Variants in KIAA1210 observed in about 807,000 individuals in gnomAD.
KIAA1210 encodes the protein KIAA1210.
KIAA1210 carries 48 observed loss-of-function variants against 78.9 expected under a neutral mutation model. That is an observed-to-expected ratio of 0.61 (90% CI 0.48 to 0.77). The LOEUF is 0.77. Among genes scored for constraint, KIAA1210 ranks in the 30% least tolerant of loss-of-function variants. The probability of loss-of-function intolerance (pLI) is 0.00; values close to 1 mark genes in which losing one functional copy is unlikely to be tolerated. For synonymous variants in KIAA1210, 406 were observed against 404.5 expected, an observed-to-expected ratio of 1.00 and a Z score of -0.04; for missense variants, 1,108 against 1,100.0, an observed-to-expected ratio of 1.01 and a Z score of -0.10.
chrX:119,112,222 G>A (rs1928102072), intron 3 of KIAA1210, among the ~76,000 whole-genome samples: 1 of 111,655 alleles, frequency 9.0e-6, no homozygotes, highest in African/African-American at 3.3e-5. Context: ...CCAGTCTCAG[G>A]TAGTTCTTTA....
At chrX:119,117,932 C>T (rs144980790) in intron 2 of KIAA1210, among the ~76,000 whole-genome samples, 50 of 111,094 alleles carry the variant, frequency 4.5e-4, no homozygotes, top group Middle Eastern at 9.3e-3. Context: ...TCTTAATAAG[C>T]ACATATGTCT....
chrX:119,137,813 T>C (rs1193147544), intron 2 of KIAA1210, among the ~76,000 whole-genome samples: 6 of 112,076 alleles, frequency 5.4e-5, no homozygotes, highest in Admixed American at 9.4e-5. Context: ...TGGCTACATG[T>C]GGAAGGAGTC....
At chrX:119,100,207 G>A (rs1927691374) in intron 6 of KIAA1210, among the ~76,000 whole-genome samples, 1 of 109,250 alleles carries the variant, frequency 9.2e-6, no homozygotes, top group Non-Finnish European at 1.9e-5. Flanking sequence ...GTGCACACCT[G>A]TAGTCCCAGC....
intron 7 of KIAA1210, 46 bp from the exon 8 acceptor site, chrX:119,093,821 C>T: frequency 1.9e-6 from 2 of 1,074,929 alleles, no homozygotes; most frequent in South Asian, 4.1e-5. Context: ...AAGTGCTTTC[C>T]AACCACGCCT....
intron 6 of KIAA1210, among the ~76,000 whole-genome samples, chrX:119,103,419 A>T (rs1927792270): frequency 8.9e-6 from 1 of 112,024 alleles, no homozygotes; most frequent in East Asian, 2.8e-4. Flanking sequence ...CATGACTATA[A>T]TTTTTTTAAA....
intron 1 of KIAA1210, among the ~76,000 whole-genome samples, chrX:119,148,486 C>A (rs183184466): frequency 8.9e-6 from 1 of 112,095 alleles, no homozygotes; most frequent in East Asian, 2.8e-4. Context: ...CCTTCATCTC[C>A]TTCTATACTT....
intron 3 of KIAA1210, among the ~76,000 whole-genome samples, chrX:119,113,394 G>A (rs1928145334): frequency 8.9e-6 from 1 of 111,956 alleles, no homozygotes; most frequent in African/African-American, 3.2e-5. Context: ...CTTGATGCAT[G>A]ATTTTAAATA....
Position 119,079,970 on chromosome X carries a change from T to A in KIAA1210, c.*1359A>T, listed in dbSNP as rs960119516. ...GAAAGGACAAGAAGCTACATGGAGT[T>A]CTCCACCTTAATGCTGGAACCAGAG... On this transcript the variant is annotated 3_prime_UTR_variant, in exon 12 of 12. Transcript: ENST00000691062. The A allele has an allele frequency of 8.9e-6, 1 of 111,832 alleles. No individual in the cohort carries two copies. The highest frequency in any genetic ancestry group is 1.9e-5 in the Non-Finnish European group (1 of 53,171). The allele number at this position is 111,832 out of a possible 1,213,427, so 9.2% of individuals were successfully genotyped here.
Position 119,108,473 on chromosome X carries a change from T to C in KIAA1210, c.358-2A>G, listed in dbSNP as rs187888673. 1.3e-5 allele frequency: 15 copies of C among 1,197,054 alleles called. No individual in the cohort carries two copies. In the African/African-American group the frequency reaches 2.1e-4, roughly 17 times the overall value. ...CAGAGTTCTGGAAATATGGGATCTC[T>C]GTGTAAGAGAGAGAGAAAAAAACTT... On this transcript the variant is annotated splice_acceptor_variant, in intron 4 of 11. Transcript: ENST00000691062. LOFTEE classifies it high-confidence loss of function.
intron 1 of KIAA1210, among the ~76,000 whole-genome samples, chrX:119,147,850 A>G (rs1432206845): frequency 1.8e-5 from 2 of 112,194 alleles, no homozygotes; most frequent in African/African-American, 6.5e-5. Flanking sequence ...GTTGCTAAAA[A>G]CAAAGTTGCC....
At chrX:119,092,758 C>CA (rs1441855814) in intron 8 of KIAA1210, among the ~76,000 whole-genome samples, 431 of 41,182 alleles carry the variant, frequency 0.01, 1 homozygote, top group African/African-American at 0.03. Flanking sequence ...GAGACTCCGT[C>CA]TTAAATAAAT....
intron 2 of KIAA1210, among the ~76,000 whole-genome samples, chrX:119,122,833 TCATGTGTGAAG>T (rs1928510323): frequency 8.9e-6 from 1 of 111,971 alleles, no homozygotes; most frequent in African/African-American, 3.2e-5. Flanking sequence ...CTGCCCCACA[TCATGTGTGAAG>T]CCAGGCCCCC....
At chrX:119,120,445 A>G (rs1272905014) in intron 2 of KIAA1210, among the ~76,000 whole-genome samples, 1 of 112,265 alleles carries the variant, frequency 8.9e-6, no homozygotes, top group East Asian at 2.8e-4. Flanking sequence ...GCTAATAGCC[A>G]TTTGTGACAC....
chrX:119,090,635 C>T (rs889503028), intron 8 of KIAA1210, among the ~76,000 whole-genome samples: 4 of 109,938 alleles, frequency 3.6e-5, no homozygotes, highest in Non-Finnish European at 7.6e-5. Context: ...TTATGGCCCC[C>T]TTTTCTTCTT....
chrX:119,090,778 C>G (rs1384818438), intron 8 of KIAA1210, among the ~76,000 whole-genome samples: 1 of 111,293 alleles, frequency 9.0e-6, no homozygotes, highest in Non-Finnish European at 1.9e-5. Context: ...TGAGCTTTTT[C>G]CAAGAAGCAA....
In KIAA1210 at chrX:119,087,849, A is replaced by G. The variant is rs750445693; in HGVS notation, c.2853T>C (p.Thr951=). 2 of 1,211,353 alleles carry G rather than the reference A, an allele frequency of 1.7e-6. No homozygotes were observed. The highest frequency in any genetic ancestry group is 2.2e-6 in the Non-Finnish European group (2 of 895,102). ...QLLPRHLSQL[T]VGNKVQQLSS... ...ACAGTTGCTGGACTTTATTTCCCACAGTCAACTGGGAAAGATGTCTGGGAA... is the reference window on the plus strand; with the variant it reads ...ACAGTTGCTGGACTTTATTTCCCACGGTCAACTGGGAAAGATGTCTGGGAA... Residue 951 remains threonine (T), a synonymous_variant, in exon 9 of 12, where the codon ACT becomes ACC. Transcript: ENST00000691062.
At chrX:119,115,948 G>C (rs762984196) in intron 3 of KIAA1210, among the ~76,000 whole-genome samples, 1 of 111,851 alleles carries the variant, frequency 8.9e-6, no homozygotes, top group Non-Finnish European at 1.9e-5. Flanking sequence ...CTGTTTGCTT[G>C]CATGTGTGTT....
chrX:119,092,993 A>AT (rs948748429), intron 8 of KIAA1210, among the ~76,000 whole-genome samples: 29 of 110,983 alleles, frequency 2.6e-4, no homozygotes, highest in African/African-American at 8.5e-4. Flanking sequence ...AGGAACTGGA[A>AT]TTTTTTTATC....
chrX:119,128,940 G>T (rs1928719671), upstream of KIAA1210, among the ~76,000 whole-genome samples: 1 of 112,368 alleles, frequency 8.9e-6, no homozygotes, highest in Non-Finnish European at 1.9e-5. Flanking sequence ...CCCCCAAAGT[G>T]CTGGGATTAC....
Sources: allele counts gnomAD v4.1 joint callset (sites outside exome capture counted in the v4.1 genomes callset), GRCh38; gene constraint gnomAD v4.1.1; transcripts MANE v1.5; gene names NCBI Gene and HGNC (gene_info 2026-07-23, HGNC 2026-07-21).